The following ZNF638 variants were observed in gnomAD, a reference collection of about 807,000 sequenced individuals.
ZNF638 encodes the protein zinc finger protein 638, also known as CTCL tumor antigen se33-1.
ZNF638 carries 46 observed loss-of-function variants against 195.6 expected under a neutral mutation model. The ratio of observed to expected loss-of-function variants is 0.24; its 90% CI spans 0.19 to 0.30. The LOEUF is 0.30. ZNF638 is among the 10% of genes least tolerant of loss of function. The pLI is 1.00. For synonymous variants in ZNF638, 845 were observed against 772.0 expected, an observed-to-expected ratio of 1.09 and a Z score of -1.57; for missense variants, 2,440 against 2,325.3, an observed-to-expected ratio of 1.05 and a Z score of -1.01.
chr2:71,370,970 ACC>A, intron 8 of ZNF638, among the ~76,000 whole-genome samples: 1 of 151,010 alleles, frequency 6.6e-6, no homozygotes, highest in Non-Finnish European at 1.5e-5. Context: ...CCCCTCCTCT[ACC>A]CCCTGTTACC....
At chr2:71,371,863 G>T (rs1196484190) in intron 8 of ZNF638, among the ~76,000 whole-genome samples, 1 of 151,716 alleles carries the variant, frequency 6.6e-6, no homozygotes, top group African/African-American at 2.4e-5. Context: ...TCATTTTGTG[G>T]GTTGTCTGTT....
intron 8 of ZNF638, chr2:71,375,539 C>T (rs1330235605): frequency 1.3e-5 from 2 of 151,886 alleles, no homozygotes; most frequent in African/African-American, 4.8e-5. Flanking sequence ...TCCCCAGCAG[C>T]ATTTGCCTGC....
At chr2:71,385,506 G>A (rs909190681) in intron 10 of ZNF638, among the ~76,000 whole-genome samples, 1 of 152,172 alleles carries the variant, frequency 6.6e-6, no homozygotes, top group African/African-American at 2.4e-5. Flanking sequence ...GTTGGTGGGA[G>A]GGAGGTGGCT....
intron 15 of ZNF638, among the ~76,000 whole-genome samples, chr2:71,401,096 G>C (rs1177982881): frequency 6.6e-6 from 1 of 152,138 alleles, no homozygotes; most frequent in African/African-American, 2.4e-5. Flanking sequence ...TCTTCAAGTA[G>C]TAACTAAGTA....
At chr2:71,395,498 G>A (rs547064187) in intron 10 of ZNF638, 72 of 606,586 alleles carry the variant, frequency 1.2e-4, no homozygotes, top group Non-Finnish European at 1.9e-4. Flanking sequence ...CTAAGGGCAA[G>A]AAGTAGGTAA....
At position 71,398,745 on chromosome 2, in the gene ZNF638, A is replaced by G. The variant is rs749953684; in HGVS notation, c.2473A>G (p.Lys825Glu). 2 of 1,613,366 alleles carry G rather than the reference A, an allele frequency of 1.2e-6. No individual in the cohort carries two copies. Among genetic ancestry groups the G allele is most frequent in the Non-Finnish European group, 1.7e-6 (2 of 1,179,490 alleles). ...SVKSVVTVAV[K>E]GNKASIKTAK... ...AAAATCTGTGGTAACGGTAGCTGTT[A>G]AAGGTAATAAAGCTTCAATCAAAAC... The change falls in exon 12 of 28, where the codon AAA (lysine) becomes GAA (glutamate). Residue 825 changes from lysine to glutamate, a missense_variant. By Grantham distance (56) the Lys-to-Glu change is moderately conservative. Around this residue, in one of 5 missense-constraint regions of ZNF638, gnomAD observed 1,883 missense variants for 1,739.1 expected, o/e 1.08. Coordinates refer to ENST00000264447, the MANE Select transcript of ZNF638 (RefSeq NM_014497.5).
At chr2:71,364,956 T>C (rs996457242) in intron 5 of ZNF638, among the ~76,000 whole-genome samples, 3 of 152,182 alleles carry the variant, frequency 2.0e-5, no homozygotes, top group Admixed American at 6.5e-5. Flanking sequence ...TCTTTTAAGC[T>C]CAACATTAAA....
intron 3 of ZNF638, among the ~76,000 whole-genome samples, chr2:71,357,550 TG>T (rs2079043989): frequency 1.3e-5 from 2 of 152,130 alleles, no homozygotes; most frequent in Non-Finnish European, 2.9e-5. Context: ...TTTAGTTGGA[TG>T]GGGGTGAGTT....
chr2:71,370,000 G>C lies in ZNF638; in HGVS notation c.2260G>C (p.Ala754Pro), dbSNP rs2079279675. The C allele has an allele frequency of 6.3e-7, 1 of 1,589,142 alleles. No individual in the cohort carries two copies. Among genetic ancestry groups the C allele is most frequent in the Non-Finnish European group, 8.5e-7 (1 of 1,173,132 alleles). Residue 754 changes from alanine (A) to proline (P), a missense_variant, in exon 8 of 28, where the codon GCA (alanine) becomes CCA (proline). Around this residue, in one of 5 missense-constraint regions of ZNF638, gnomAD observed 1,883 missense variants for 1,739.1 expected, o/e 1.08. Coordinates refer to ENST00000264447, the MANE Select transcript of ZNF638 (RefSeq NM_014497.5). ...VKICVPGKKKAQNKEVKKKTL... is the reference protein window; with the variant it reads ...VKICVPGKKKPQNKEVKKKTL... ...AATATGTGTTCCAGGAAAGAAAAAAGCACAGGTAATCTGGATTTAGGTCTT... is the reference window on the plus strand; with the variant it reads ...AATATGTGTTCCAGGAAAGAAAAAACCACAGGTAATCTGGATTTAGGTCTT...
chr2:71,434,809 T>A lies in ZNF638; in HGVS notation c.*2T>A. ...GCTGAAGAAAGAAGCTCTAGGTGAT[T>A]GGGGGAAAGGAAAGAATTCACTAGA... On this transcript the variant is annotated 3_prime_UTR_variant, in exon 28 of 28. Transcript: ENST00000264447. The A allele has an allele frequency of 6.2e-7, 1 of 1,600,182 alleles. No homozygotes were observed. Among genetic ancestry groups the A allele is most frequent in the Admixed American group, 1.8e-5 (1 of 56,786 alleles).
At chr2:71,360,681 TTTGTTTC>T (rs1156339673) in intron 3 of ZNF638, among the ~76,000 whole-genome samples, 1 of 152,228 alleles carries the variant, frequency 6.6e-6, no homozygotes, top group Non-Finnish European at 1.5e-5. Context: ...TAGTTTTCTA[TTTGTTTC>T]CTTAGCATTA....
intron 2 of ZNF638, among the ~76,000 whole-genome samples, chr2:71,352,348 C>T (rs1158160620): frequency 1.3e-5 from 2 of 151,680 alleles, no homozygotes; most frequent in Non-Finnish European, 2.9e-5. Flanking sequence ...TGTGGTCATG[C>T]GCACCTGTAA....
In ZNF638 at chr2:71,423,681, C is replaced by T; in HGVS notation, c.4167C>T (p.Ser1389=). The change falls in exon 22 of 28, where the codon AGC becomes AGT. Residue 1389 remains serine (S), a synonymous_variant. Transcript: ENST00000264447. ...TTCTGGCTGTATCAGATGTATCTAG[C>T]AGTAAACCAAGCATCAAGGCTGTTA... ...TSILAVSDVS[S]SKPSIKAVIV... 6.2e-7 allele frequency: 1 copy of T among 1,613,856 alleles called. No individual in the cohort carries two copies. The highest frequency in any genetic ancestry group is 1.3e-5 in the African/African-American group (1 of 75,044).
chr2:71,345,537 C>G (rs902950989), intron 1 of ZNF638, among the ~76,000 whole-genome samples: 1 of 152,070 alleles, frequency 6.6e-6, no homozygotes, highest in Non-Finnish European at 1.5e-5. Flanking sequence ...TTGGAAAAAA[C>G]CAACATGCTT....
intron 10 of ZNF638, among the ~76,000 whole-genome samples, chr2:71,392,447 C>T (rs2104401363): frequency 1.3e-5 from 2 of 152,302 alleles, no homozygotes; most frequent in South Asian, 4.1e-4. Flanking sequence ...AGCCCATTAA[C>T]ATTGTTAGTG....
intron 10 of ZNF638, among the ~76,000 whole-genome samples, chr2:71,392,961 C>T (rs1175881580): frequency 6.6e-6 from 1 of 152,202 alleles, no homozygotes; most frequent in Non-Finnish European, 1.5e-5. Context: ...CACGATACAT[C>T]ATTAAACATC....
At chr2:71,358,098 T>G (rs1558839464) in intron 3 of ZNF638, among the ~76,000 whole-genome samples, 1 of 152,178 alleles carries the variant, frequency 6.6e-6, no homozygotes, top group Non-Finnish European at 1.5e-5. Flanking sequence ...TCATTGACAT[T>G]CCTTGGCTTG....
Position 71,422,951 on chromosome 2 carries a change from C to A in ZNF638, c.3437C>A (p.Pro1146His). 1 of 1,614,038 alleles carries A rather than the reference C, an allele frequency of 6.2e-7. No homozygotes were observed. Among genetic ancestry groups the A allele is most frequent in the Non-Finnish European group, 8.5e-7 (1 of 1,179,966 alleles). ...GAAACTTTGGTACAGCAGGAAGAGCCTTGTGAGGAAGAAGCTGAAAAAGCA... is the reference window on the plus strand; with the variant it reads ...GAAACTTTGGTACAGCAGGAAGAGCATTGTGAGGAAGAAGCTGAAAAAGCA... The part of the protein sequence containing the change: ...QTETLVQQEE[P>H]CEEEAEKATC... Residue 1146 changes from proline (P) to histidine (H), a missense_variant, in exon 22 of 28, where the codon CCT becomes CAT. Physicochemically the swap from Pro to His is moderately conservative, Grantham distance 77 (BLOSUM62 -2). Transcript: ENST00000264447.
intron 10 of ZNF638, among the ~76,000 whole-genome samples, chr2:71,392,205 C>T (rs111678429): frequency 0.012 from 1,773 of 152,314 alleles, 18 homozygotes; most frequent in Non-Finnish European, 0.018. Context: ...ATATGCCCTT[C>T]CTGCTGGCAG....
Sources: allele counts gnomAD v4.1 joint callset (sites outside exome capture counted in the v4.1 genomes callset), GRCh38; gene constraint gnomAD v4.1.1; regional missense constraint gnomAD v4.1.1; transcripts MANE v1.5; gene names NCBI Gene and HGNC (gene_info 2026-07-23, HGNC 2026-07-21).